Variants in RNF169 observed in about 807,000 individuals in gnomAD.
RNF169 encodes E3 ubiquitin-protein ligase RNF169.
Under a neutral mutation model 53.9 loss-of-function variants are expected in RNF169, and 24 were observed. The observed-to-expected ratio is 0.45, with a 90% confidence interval of 0.32 to 0.63. The LOEUF (loss-of-function observed/expected upper bound fraction) is 0.63, where lower values mean the gene tolerates loss of function less well. RNF169 is among the 20% of genes least tolerant of loss of function. The pLI is 0.04. For synonymous variants in RNF169, 396 were observed against 363.5 expected (o/e 1.09, Z -1.02); for missense variants, 883 against 906.2 (o/e 0.97, Z 0.33).
intron 1 of RNF169, among the ~76,000 whole-genome samples, chr11:74,755,264 A>G (rs1457412245): frequency 6.6e-6 from 1 of 152,248 alleles, no homozygotes. Context: ...CCAACTAAAC[A>G]GTAATTACTA....
intron 1 of RNF169, among the ~76,000 whole-genome samples, chr11:74,785,945 T>C (rs1174029778): frequency 1.6e-4 from 24 of 148,992 alleles, no homozygotes; most frequent in Admixed American, 1.5e-3. Context: ...TCTTTTCTTT[T>C]TTTTTTTTTT....
chr11:74,758,500 A>G (rs558886645), intron 1 of RNF169, among the ~76,000 whole-genome samples: 1 of 150,704 alleles, frequency 6.6e-6, no homozygotes, highest in Admixed American at 6.6e-5. Flanking sequence ...TTGGTTCCAT[A>G]TGAACTTTTT....
chr11:74,805,251 A>G (rs1179126774), intron 2 of RNF169, among the ~76,000 whole-genome samples: 1 of 152,246 alleles, frequency 6.6e-6, no homozygotes, highest in Non-Finnish European at 1.5e-5. Flanking sequence ...ATTAGTCTCA[A>G]AAGTATCATG....
chr11:74,823,114 T>C (rs2036040082), intron 4 of RNF169, among the ~76,000 whole-genome samples: 1 of 152,244 alleles, frequency 6.6e-6, no homozygotes, highest in African/African-American at 2.4e-5. Flanking sequence ...CTGGGTATTA[T>C]GTTTATGTTT....
At chr11:74,818,568 G>A (rs142305732) in intron 4 of RNF169, among the ~76,000 whole-genome samples, 27 of 152,086 alleles carry the variant, frequency 1.8e-4, no homozygotes, top group Middle Eastern at 3.4e-3. Context: ...TTTTTAAAAC[G>A]TTTTTTGTAG....
At chr11:74,804,518 T>G (rs1235708767) in intron 2 of RNF169, among the ~76,000 whole-genome samples, 1 of 152,192 alleles carries the variant, frequency 6.6e-6, no homozygotes, top group Non-Finnish European at 1.5e-5. Context: ...TTCTTTGATT[T>G]AACCCACCGC....
At position 74,836,306 on chromosome 11, in the gene RNF169, T is replaced by C. The variant is rs1458800806; in HGVS notation, c.1703T>C (p.Met568Thr). ...KLDKTCISRAMKITTVNSVLP... is the reference protein window; with the variant it reads ...KLDKTCISRATKITTVNSVLP... ...GACAAAACCTGTATAAGCAGAGCCATGAAAATCACCACAGTTAATTCAGTG... is the reference window on the plus strand; with the variant it reads ...GACAAAACCTGTATAAGCAGAGCCACGAAAATCACCACAGTTAATTCAGTG... The change falls in exon 6 of 6, where the codon ATG (methionine) becomes ACG (threonine). Residue 568 changes from methionine (M) to threonine (T), a missense_variant. Physicochemically the swap from Met to Thr is moderately conservative, Grantham distance 81 (BLOSUM62 -1). This residue lies in a region of RNF169 where 351 missense variants were observed against 337.3 expected (regional missense o/e 1.04). Coordinates refer to ENST00000299563, the MANE Select transcript of RNF169 (RefSeq NM_001098638.2). 2 of 1,614,032 alleles carry C rather than the reference T, an allele frequency of 1.2e-6. No homozygotes were observed. The highest frequency in any genetic ancestry group is 2.2e-5 in the East Asian group (1 of 44,886).
At chr11:74,832,061 G>A (rs537361280) in intron 4 of RNF169, 1 of 152,308 alleles carries the variant, frequency 6.6e-6, no homozygotes. Flanking sequence ...GAAAACAGTT[G>A]AGGAGTTCAG....
intron 2 of RNF169, among the ~76,000 whole-genome samples, chr11:74,801,704 C>T (rs898147148): frequency 2.0e-5 from 3 of 152,168 alleles, no homozygotes; most frequent in South Asian, 2.1e-4. Context: ...CCCGGCTACT[C>T]GGGAGGCTGA....
chr11:74,840,745 GA>G lies in RNF169; in HGVS notation c.*4018del, dbSNP rs1212167705. On this transcript the variant is annotated 3_prime_UTR_variant, in exon 6 of 6. Transcript: ENST00000299563. The stretch of plus-strand genomic sequence containing the variant: ...GAATGTTACAGCTGGAATGGGCATG[GA>G]AATCATCCAAGTTAAACTTCTTCTC... The G allele has an allele frequency of 1.3e-5, 2 of 151,232 alleles. No individual in the cohort carries two copies. The highest frequency in any genetic ancestry group is 1.3e-4 in the Admixed American group (2 of 15,190). 9.4% of individuals were successfully genotyped at this position (151,232 alleles called of 1,614,324 possible).
intron 2 of RNF169, among the ~76,000 whole-genome samples, chr11:74,791,669 G>C (rs1591408113): frequency 6.6e-6 from 1 of 152,218 alleles, no homozygotes; most frequent in South Asian, 2.1e-4. Context: ...ATGGGTGCTG[G>C]GAGTGGGAAG....
rs2135181884 is a variant in RNF169, at chr11:74,841,201, A to G, written c.*4471A>G. On this transcript the variant is annotated 3_prime_UTR_variant, in exon 6 of 6. Coordinates refer to ENST00000299563, the MANE Select transcript of RNF169 (RefSeq NM_001098638.2). ...CTCATTATGGTCTTAAATTGTCCTC[A>G]GGCAGCCTTTTCCTCATCAACCCAT... 6.6e-6 allele frequency: 1 copy of G among 152,342 alleles called. No individual in the cohort carries two copies. The highest frequency in any genetic ancestry group is 2.1e-4 in the South Asian group (1 of 4,826). 9.4% of individuals were successfully genotyped at this position (152,342 alleles called of 1,614,324 possible). A position where few individuals can be genotyped will look rare whatever the true frequency, so the allele number is the denominator to read the frequency against.
chr11:74,761,444 T>A (rs1416582964), intron 1 of RNF169, among the ~76,000 whole-genome samples: 1 of 149,378 alleles, frequency 6.7e-6, no homozygotes, highest in Non-Finnish European at 1.5e-5. Flanking sequence ...TTGCAGCAGC[T>A]GGTACCGGTT....
chr11:74,763,742 G>T (rs1457151236), intron 1 of RNF169, among the ~76,000 whole-genome samples: 1 of 152,234 alleles, frequency 6.6e-6, no homozygotes, highest in African/African-American at 2.4e-5. Context: ...AAAAAAAAAT[G>T]TGGAGGAGAT....
intron 3 of RNF169, among the ~76,000 whole-genome samples, chr11:74,815,359 C>T (rs1313309292): frequency 1.3e-5 from 2 of 152,064 alleles, no homozygotes; most frequent in African/African-American, 4.8e-5. Flanking sequence ...AGTTCAAGAC[C>T]AGCCTGGCCA....
chr11:74,781,464 ATTAG>A (rs1382496568), intron 1 of RNF169, among the ~76,000 whole-genome samples: 3 of 152,222 alleles, frequency 2.0e-5, no homozygotes, highest in South Asian at 2.1e-4. Flanking sequence ...CCATCATCTA[ATTAG>A]TTAATCAATC....
At chr11:74,773,182 C>G (rs1032054900) in intron 1 of RNF169, among the ~76,000 whole-genome samples, 2 of 152,042 alleles carry the variant, frequency 1.3e-5, no homozygotes, top group Admixed American at 6.6e-5. Context: ...TTTGCTGAGA[C>G]CTGGGGTAGG....
intron 4 of RNF169, among the ~76,000 whole-genome samples, chr11:74,824,015 C>G (rs749873104): frequency 6.6e-6 from 1 of 151,952 alleles, no homozygotes; most frequent in Non-Finnish European, 1.5e-5. Context: ...GCATAAGAAA[C>G]AAGAAACAAT....
At chr11:74,777,530 G>A (rs147895789) in intron 1 of RNF169, among the ~76,000 whole-genome samples, 4 of 152,092 alleles carry the variant, frequency 2.6e-5, no homozygotes, top group Admixed American at 6.5e-5. Context: ...GATCCAGTGC[G>A]GATTACCTAA....
Sources: gnomAD v4.1 joint callset for allele counts (sites outside exome capture counted in the v4.1 genomes callset) on GRCh38, gnomAD v4.1.1 for gene constraint, gnomAD v4.1.1 regional missense constraint, MANE v1.5 for transcripts, NCBI Gene and HGNC (gene_info 2026-07-23, HGNC 2026-07-21) for gene names.